VSTM4: variants seen among roughly 807,000 people sequenced by gnomAD.
VSTM4 encodes V-set and transmembrane domain-containing protein 4.
VSTM4 carries 20 observed loss-of-function variants against 36.4 expected under a neutral mutation model. That is an observed-to-expected ratio of 0.55 (90% CI 0.39 to 0.80). The LOEUF (loss-of-function observed/expected upper bound fraction) is 0.80. Among genes scored for constraint, VSTM4 ranks in the 30% least tolerant of loss-of-function variants. VSTM4 has a pLI of 0.00. For synonymous variants in VSTM4, 182 were observed against 173.9 expected (o/e 1.05, Z -0.37); for missense variants, 392 against 404.5 (o/e 0.97, Z 0.26).
chr10:49,077,204 T>C lies in VSTM4; in HGVS notation c.634+15A>G. Reference sequence around the variant, plus strand: ...TGTGCTCCCATCCCAGACATGACCTTATCTGTTTTCTTACCTCTGGATTTC... The same window carrying C: ...TGTGCTCCCATCCCAGACATGACCTCATCTGTTTTCTTACCTCTGGATTTC... On this transcript the variant is annotated intron_variant, in intron 4 of 7. Coordinates refer to ENST00000332853, the MANE Select transcript of VSTM4 (RefSeq NM_001031746.5). 1 of 1,613,072 alleles carries C rather than the reference T, an allele frequency of 6.2e-7. No individual in the cohort carries two copies.
intron 2 of VSTM4, among the ~76,000 whole-genome samples, chr10:49,086,906 C>A (rs976232705): frequency 6.6e-6 from 1 of 152,152 alleles, no homozygotes; most frequent in Non-Finnish European, 1.5e-5. Flanking sequence ...GGGGTTACCA[C>A]AACGAAGAGC....
chr10:49,015,569 G>A lies in VSTM4; in HGVS notation c.*4081C>T, dbSNP rs1996185. ...AATGCAGACCCCTCCCCTAGACCAC[G>A]AATTTCTGTTTGGTTTTCCTTCCTG... On this transcript the variant is annotated 3_prime_UTR_variant, in exon 8 of 8. Transcript: ENST00000332853. 110,434 of 152,048 alleles carry A rather than the reference G, an allele frequency of 0.73. 42,291 individuals carry two copies. Among genetic ancestry groups the A allele is most frequent in the Non-Finnish European group, 0.87 (58,951 of 68,034 alleles). 9.4% of individuals were successfully genotyped at this position (152,048 alleles called of 1,614,324 possible).
At chr10:49,080,690 A>T (rs563098065) in intron 3 of VSTM4, among the ~76,000 whole-genome samples, 23 of 152,354 alleles carry the variant, frequency 1.5e-4, no homozygotes, top group African/African-American at 5.5e-4. Flanking sequence ...GAGTTCTGGA[A>T]GCCCAGAAGA....
chr10:49,033,807 G>T (rs1843382812), intron 7 of VSTM4, among the ~76,000 whole-genome samples: 1 of 152,192 alleles, frequency 6.6e-6, no homozygotes, highest in Non-Finnish European at 1.5e-5. Flanking sequence ...TTAAAGGAGT[G>T]CTTCTCCTGG....
chr10:49,096,622 C>CGTGTATGTGTGT (rs1554835488), intron 2 of VSTM4, among the ~76,000 whole-genome samples: 20 of 122,578 alleles, frequency 1.6e-4, no homozygotes, highest in African/African-American at 6.9e-4. Flanking sequence ...CATTGAAGAC[C>CGTGTATGTGTGT]GTGTGTGTGT....
intron 5 of VSTM4, chr10:49,064,389 C>T: frequency 2.9e-6 from 1 of 345,918 alleles, no homozygotes; most frequent in South Asian, 3.7e-5. Flanking sequence ...CAAAATGTAT[C>T]AAAGTGGTTC....
chr10:49,054,842 C>G (rs896267485), intron 5 of VSTM4, among the ~76,000 whole-genome samples: 2 of 152,170 alleles, frequency 1.3e-5, no homozygotes, highest in East Asian at 3.9e-4. Context: ...AATATAGTCT[C>G]TCTCTGGGAT....
intron 2 of VSTM4, among the ~76,000 whole-genome samples, chr10:49,090,544 A>C (rs1412673965): frequency 1.3e-5 from 2 of 152,152 alleles, no homozygotes; most frequent in Non-Finnish European, 2.9e-5. Context: ...AGGGAGGAGA[A>C]ATGAGACTTC....
At chr10:49,079,281 G>A (rs576579822) in intron 3 of VSTM4, among the ~76,000 whole-genome samples, 2 of 152,084 alleles carry the variant, frequency 1.3e-5, no homozygotes, top group Non-Finnish European at 2.9e-5. Context: ...ACAGCTCACT[G>A]CAGCCTTGAA....
intron 2 of VSTM4, among the ~76,000 whole-genome samples, chr10:49,099,196 G>A (rs950417104): frequency 6.6e-6 from 1 of 152,178 alleles, no homozygotes; most frequent in Non-Finnish European, 1.5e-5. Flanking sequence ...TATGTGGATG[G>A]AAACAACACC....
chr10:49,028,252 T>A (rs1174167967), intron 7 of VSTM4, among the ~76,000 whole-genome samples: 1 of 152,224 alleles, frequency 6.6e-6, no homozygotes, highest in African/African-American at 2.4e-5. Flanking sequence ...TAGGAAAGGA[T>A]GATCACACAG....
chr10:49,114,254 A>G, intron 1 of VSTM4, among the ~76,000 whole-genome samples: 1 of 152,168 alleles, frequency 6.6e-6, no homozygotes, highest in East Asian at 1.9e-4. Flanking sequence ...ATTTCTTCCC[A>G]CTGTTATCCA....
chr10:49,046,462 G>A (rs934993157), intron 7 of VSTM4, among the ~76,000 whole-genome samples: 21 of 152,344 alleles, frequency 1.4e-4, no homozygotes, highest in African/African-American at 4.3e-4. Context: ...GGTTAAGCCC[G>A]AAGTGTAGTT....
chr10:49,077,316 C>G lies in VSTM4; in HGVS notation c.537G>C (p.Val179=). The change falls in exon 4 of 8, where the codon GTG becomes GTC. Residue 179 remains valine (V), a synonymous_variant. Transcript: ENST00000332853. ...CCACGCAGCACACGAGGACAGCATA[C>G]ACATAGAGATCTGAAAGGCAAGGAC... ...ETWAFFEDLY[V]YAVLVCCVGI... 6.2e-7 allele frequency: 1 copy of G among 1,614,184 alleles called. No homozygotes were observed. Among genetic ancestry groups the G allele is most frequent in the Non-Finnish European group, 8.5e-7 (1 of 1,180,026 alleles).
intron 7 of VSTM4, among the ~76,000 whole-genome samples, chr10:49,030,154 C>A (rs1349258517): frequency 6.6e-6 from 1 of 152,178 alleles, no homozygotes; most frequent in African/African-American, 2.4e-5. Context: ...CTGAAGACGT[C>A]CAGGGGCATT....
chr10:49,024,152 G>A (rs1843222260), intron 7 of VSTM4, among the ~76,000 whole-genome samples: 1 of 152,248 alleles, frequency 6.6e-6, no homozygotes, highest in African/African-American at 2.4e-5. Flanking sequence ...CTAACCTGCT[G>A]TTACTCCTGG....
intron 2 of VSTM4, among the ~76,000 whole-genome samples, chr10:49,093,821 C>T (rs886563722): frequency 5.1e-5 from 7 of 136,074 alleles, no homozygotes; most frequent in East Asian, 2.2e-4. Context: ...GATCTAGGTT[C>T]GCTGCAAGCT....
chr10:49,058,471 G>T (rs1035543319), intron 5 of VSTM4, among the ~76,000 whole-genome samples: 5 of 152,078 alleles, frequency 3.3e-5, no homozygotes, highest in African/African-American at 4.8e-5. Flanking sequence ...TGTCCTCCCT[G>T]GGAAGGGCAC....
chr10:49,053,334 G>C (rs1453269340), intron 5 of VSTM4, among the ~76,000 whole-genome samples: 3 of 152,334 alleles, frequency 2.0e-5, no homozygotes, highest in Admixed American at 2.0e-4. Context: ...GCCAGAAGGA[G>C]CTTCTGTCCC....
Sources: allele counts gnomAD v4.1 joint callset (sites outside exome capture counted in the v4.1 genomes callset), GRCh38; gene constraint gnomAD v4.1.1; transcripts MANE v1.5; gene names NCBI Gene and HGNC (gene_info 2026-07-23, HGNC 2026-07-21).